The following NDST3 variants were observed in gnomAD, a reference collection of about 807,000 sequenced individuals.
NDST3 encodes bifunctional heparan sulfate N-deacetylase/N-sulfotransferase 3.
A neutral mutation model predicts 96.1 loss-of-function variants in NDST3; 58 were observed. The ratio of observed to expected loss-of-function variants is 0.60; its 90% confidence interval spans 0.49 to 0.75. The LOEUF (loss-of-function observed/expected upper bound fraction) is 0.75, where lower values mean the gene tolerates loss of function less well. Ranked by LOEUF, NDST3 falls within the 30% of genes least tolerant of loss-of-function variation. The pLI, the probability that NDST3 is intolerant of heterozygous loss-of-function variation, is 0.00. For synonymous variants in NDST3, 333 were observed against 359.7 expected, an observed-to-expected ratio of 0.93 and a Z score of 0.84; for missense variants, 788 against 1,034.2, an observed-to-expected ratio of 0.76 and a Z score of 3.27.
intron 2 of NDST3, among the ~76,000 whole-genome samples, chr4:118,102,676 A>G (rs541651729): frequency 2.0e-5 from 3 of 152,114 alleles, no homozygotes; most frequent in Non-Finnish European, 2.9e-5. Flanking sequence ...AGCTTTTTAC[A>G]AGGGTTAGGC....
intron 4 of NDST3, among the ~76,000 whole-genome samples, chr4:118,131,538 G>T (rs1732615694): frequency 6.6e-6 from 1 of 151,870 alleles, no homozygotes; most frequent in African/African-American, 2.4e-5. Context: ...CCTCAAAATG[G>T]CCATTTTGAA....
At chr4:118,177,632 T>A (rs1736357132) in intron 6 of NDST3, among the ~76,000 whole-genome samples, 1 of 151,976 alleles carries the variant, frequency 6.6e-6, no homozygotes, top group Non-Finnish European at 1.5e-5. Flanking sequence ...CAAAAGAACA[T>A]GAATGGAGTT....
At chr4:118,115,885 A>G (rs1408992642) in intron 4 of NDST3, among the ~76,000 whole-genome samples, 1 of 152,114 alleles carries the variant, frequency 6.6e-6, no homozygotes, top group Non-Finnish European at 1.5e-5. Flanking sequence ...TCAGGGGCCC[A>G]TATTTGTCTT....
chr4:118,168,295 G>A (rs1443338957), intron 6 of NDST3, among the ~76,000 whole-genome samples: 4 of 151,920 alleles, frequency 2.6e-5, no homozygotes, highest in Non-Finnish European at 1.5e-5. Flanking sequence ...AAGACGACAT[G>A]ACCAACAGGC....
intron 2 of NDST3, among the ~76,000 whole-genome samples, chr4:118,071,526 T>C (rs1727075454): frequency 6.6e-6 from 1 of 152,130 alleles, no homozygotes; most frequent in African/African-American, 2.4e-5. Context: ...GGCTTTCTCT[T>C]CCTGCATTAG....
intron 3 of NDST3, among the ~76,000 whole-genome samples, chr4:118,111,304 G>A (rs536681196): frequency 1.1e-4 from 16 of 151,832 alleles, no homozygotes; most frequent in Non-Finnish European, 1.8e-4. Flanking sequence ...ATGTCCCCCC[G>A]AATCTAAAAT....
upstream of NDST3, among the ~76,000 whole-genome samples, chr4:118,033,362 T>G (rs1023015340): frequency 1.3e-5 from 2 of 152,006 alleles, no homozygotes; most frequent in African/African-American, 4.8e-5. Flanking sequence ...CCCCTTTCCC[T>G]GGCCGCACAA....
intron 3 of NDST3, among the ~76,000 whole-genome samples, chr4:118,112,260 G>T (rs1440738490): frequency 1.3e-5 from 2 of 152,138 alleles, no homozygotes; most frequent in African/African-American, 2.4e-5. Context: ...CCTGAGATCT[G>T]CTGCTCTGTT....
intron 5 of NDST3, among the ~76,000 whole-genome samples, chr4:118,141,375 T>A (rs116298280): frequency 1.4e-3 from 210 of 152,274 alleles, no homozygotes; most frequent in African/African-American, 4.9e-3. Flanking sequence ...CAGTGGAATA[T>A]GACCCTTATC....
chr4:118,252,756 T>C (rs1741829958), intron 12 of NDST3, among the ~76,000 whole-genome samples: 1 of 152,132 alleles, frequency 6.6e-6, no homozygotes, highest in Non-Finnish European at 1.5e-5. Flanking sequence ...CTGCGCATGA[T>C]GGCACATGCC....
In NDST3 at chr4:118,056,425, T is replaced by G. The variant is rs189682804; in HGVS notation, c.981+1534T>G. Among the ~76,000 whole-genome samples, 136 of 152,120 alleles carry G rather than the reference T, an allele frequency of 8.9e-4. 1 individual carries two copies. Among genetic ancestry groups the G allele is most frequent in the Non-Finnish European group, 1.3e-3 (91 of 67,936 alleles). ...AGAAAAATTTGGCATGTCTACTTTA[T>G]GAACTGCTCATATTTAGATAGAAAT... On this transcript the variant is annotated intron_variant, in intron 2 of 13. Coordinates refer to ENST00000296499, the MANE Select transcript of NDST3 (RefSeq NM_004784.3).
chr4:118,254,045 A>G (rs746814300), intron 13 of NDST3, among the ~76,000 whole-genome samples: 12 of 152,126 alleles, frequency 7.9e-5, no homozygotes, highest in Non-Finnish European at 1.5e-4. Context: ...GTTCGAGACC[A>G]GCCTGGCCAA....
intron 6 of NDST3, among the ~76,000 whole-genome samples, chr4:118,182,149 G>A (rs1268806299): frequency 2.6e-5 from 4 of 152,090 alleles, no homozygotes; most frequent in African/African-American, 9.7e-5. Flanking sequence ...ATATTTTGGG[G>A]GCCAGACCAC....
chr4:118,230,868 C>T (rs908053683), intron 8 of NDST3, among the ~76,000 whole-genome samples: 6 of 151,962 alleles, frequency 3.9e-5, no homozygotes, highest in Non-Finnish European at 5.9e-5. Context: ...GACAATATTG[C>T]TGTTGACAGA....
At chr4:118,226,726 C>T (rs1739902901) in intron 7 of NDST3, among the ~76,000 whole-genome samples, 160 bp from the exon 8 acceptor site, 1 of 152,104 alleles carries the variant, frequency 6.6e-6, no homozygotes, top group African/African-American at 2.4e-5. Context: ...TTATTCAGAA[C>T]TTCCATGATG....
chr4:118,151,472 G>T (rs575376988), intron 6 of NDST3, among the ~76,000 whole-genome samples: 1 of 152,158 alleles, frequency 6.6e-6, no homozygotes, highest in African/African-American at 2.4e-5. Flanking sequence ...ATGCCTAATA[G>T]TGAGTACTGC....
Position 118,208,265 on chromosome 4 carries a change from T to C in NDST3, c.1540-16226T>C, listed in dbSNP as rs905674950. 6.4e-4 allele frequency among the ~76,000 whole-genome samples: 93 copies of C among 144,332 alleles called. 12 individuals are homozygous for C. The highest frequency in any genetic ancestry group is 2.3e-3 in the African/African-American group (90 of 38,998). The allele number at this position is 144,332 out of a possible 152,430, so 94.7% of individuals were successfully genotyped here. On this transcript the variant is annotated intron_variant, in intron 6 of 13. Transcript: ENST00000296499. ...TTTTATCCCCAGAGTTAGAAACTTC[T>C]ATCAGGGTATTATTCTCACTGCAGC...
chr4:118,184,501 C>T (rs983618901), intron 6 of NDST3, among the ~76,000 whole-genome samples: 1 of 151,794 alleles, frequency 6.6e-6, no homozygotes, highest in African/African-American at 2.4e-5. Flanking sequence ...AAATCTGGGG[C>T]TTACCAAGTC....
chr4:118,252,268 G>C (rs1197930948), intron 12 of NDST3, among the ~76,000 whole-genome samples: 1 of 152,098 alleles, frequency 6.6e-6, no homozygotes, highest in East Asian at 1.9e-4. Context: ...AACCTACTTG[G>C]AGACCAGTAA....
Sources: allele counts gnomAD v4.1 joint callset (sites outside exome capture counted in the v4.1 genomes callset), GRCh38; gene constraint gnomAD v4.1.1; transcripts MANE v1.5; gene names NCBI Gene and HGNC (gene_info 2026-07-23, HGNC 2026-07-21).